TBCEL: variants seen among roughly 807,000 people sequenced by gnomAD.
TBCEL encodes tubulin-specific chaperone cofactor E-like protein.
Under a neutral mutation model 44.2 loss-of-function variants are expected in TBCEL, and 15 were observed. The ratio of observed to expected loss-of-function variants is 0.34; its 90% confidence interval spans 0.23 to 0.52. TBCEL has a LOEUF of 0.52. TBCEL is among the 20% of genes least tolerant of loss of function. TBCEL has a pLI of 0.95. For synonymous variants in TBCEL, 171 were observed against 185.4 expected (o/e 0.92, Z 0.63); for missense variants, 319 against 506.3 (o/e 0.63, Z 3.55).
At chr11:121,055,416 G>A (rs1945601489) in intron 6 of TBCEL, 108 bp downstream of exon 6, 2 of 1,217,216 alleles carry the variant, frequency 1.6e-6, no homozygotes, top group Non-Finnish European at 2.1e-6. Flanking sequence ...TTTTTAGAGT[G>A]AATTTTCTAT....
chr11:121,049,864 A>G (rs2134933653), intron 4 of TBCEL, among the ~76,000 whole-genome samples: 1 of 151,894 alleles, frequency 6.6e-6, no homozygotes, highest in Non-Finnish European at 1.5e-5. Flanking sequence ...CTGCTTAGAC[A>G]AAAGTCTATG....
Position 121,039,635 on chromosome 11 carries a change from A to G in TBCEL, c.-18+3023A>G, listed in dbSNP as rs148009957. On this transcript the variant is annotated intron_variant, in intron 2 of 8. Coordinates refer to ENST00000683345, the MANE Select transcript of TBCEL (RefSeq NM_001363644.2). ...TGTTAAGGTATGAAAATGAAACGAGATGGCAGAGAAAACAATGTATTTGTT... is the reference window on the plus strand; with the variant it reads ...TGTTAAGGTATGAAAATGAAACGAGGTGGCAGAGAAAACAATGTATTTGTT... Among the ~76,000 whole-genome samples, 125 of 152,354 alleles carry G rather than the reference A, an allele frequency of 8.2e-4. 3 individuals carry two copies. In the East Asian group the frequency reaches 0.02, roughly 24 times the overall value.
chr11:121,066,095 G>A (rs1484768705), intron 8 of TBCEL, among the ~76,000 whole-genome samples: 1 of 152,218 alleles, frequency 6.6e-6, no homozygotes, highest in Non-Finnish European at 1.5e-5. Flanking sequence ...AGAAAATTAA[G>A]TTTGAGCAGG....
At chr11:121,048,904 C>T (rs1945480894) in intron 4 of TBCEL, among the ~76,000 whole-genome samples, 1 of 151,862 alleles carries the variant, frequency 6.6e-6, no homozygotes, top group African/African-American at 2.4e-5. Flanking sequence ...ATTTATCCTT[C>T]AAGACTTGGC....
At chr11:121,024,490 G>A (rs189720157) in intron 1 of TBCEL, among the ~76,000 whole-genome samples, 199 bp downstream of exon 1, 1 of 152,020 alleles carries the variant, frequency 6.6e-6, no homozygotes, top group Non-Finnish European at 1.5e-5. Flanking sequence ...GATGGGGCCT[G>A]CCTGGCCTGG....
chr11:121,051,349 T>C (rs887281569), intron 4 of TBCEL, among the ~76,000 whole-genome samples: 1 of 151,790 alleles, frequency 6.6e-6, no homozygotes. Flanking sequence ...AAATAAAATA[T>C]GAGTGGTAGT....
At chr11:121,035,631 T>C (rs1945218246) in intron 1 of TBCEL, 1 of 152,146 alleles carries the variant, frequency 6.6e-6, no homozygotes, top group East Asian at 1.9e-4. Context: ...ATGAGGCTTT[T>C]CCTTAACATG....
chr11:121,052,193 G>A (rs2134940172), intron 4 of TBCEL, among the ~76,000 whole-genome samples: 1 of 151,824 alleles, frequency 6.6e-6, no homozygotes, highest in South Asian at 2.1e-4. Flanking sequence ...ATGATTTTTT[G>A]CCATTAAGTT....
At chr11:121,024,551 G>GGGCT (rs1344167682) in intron 1 of TBCEL, among the ~76,000 whole-genome samples, 30 of 152,140 alleles carry the variant, frequency 2.0e-4, no homozygotes, top group Non-Finnish European at 3.8e-4. Context: ...GGGCTGGGCT[G>GGGCT]GGGGACTGGT....
intron 4 of TBCEL, among the ~76,000 whole-genome samples, chr11:121,048,805 A>G (rs1204247164): frequency 6.6e-6 from 1 of 151,884 alleles, no homozygotes; most frequent in Non-Finnish European, 1.5e-5. Flanking sequence ...CTTGCAGCTC[A>G]TGATAAACTC....
chr11:121,053,252 G>A (rs1019086963), intron 4 of TBCEL, among the ~76,000 whole-genome samples: 6 of 151,882 alleles, frequency 4.0e-5, no homozygotes, highest in African/African-American at 1.4e-4. Flanking sequence ...CAAAGAGAAC[G>A]TCACATAGAG....
At chr11:121,057,638 G>T (rs546614945) in intron 6 of TBCEL, 2 of 454,026 alleles carry the variant, frequency 4.4e-6, no homozygotes, top group African/African-American at 2.0e-5. Flanking sequence ...CACTGAACAT[G>T]CACAGACTTT....
chr11:121,029,545 T>TG (rs1400116240), intron 1 of TBCEL, among the ~76,000 whole-genome samples: 3 of 152,194 alleles, frequency 2.0e-5, no homozygotes, highest in Admixed American at 6.5e-5. Flanking sequence ...TACACAGTAG[T>TG]CATAAGTGAA....
intron 8 of TBCEL, among the ~76,000 whole-genome samples, chr11:121,077,398 G>A (rs1343645646): frequency 1.3e-5 from 2 of 151,960 alleles, no homozygotes; most frequent in African/African-American, 4.8e-5. Flanking sequence ...ATTTAATTAT[G>A]CTTGTTGAAT....
chr11:121,047,318 G>A (rs1195985004), intron 3 of TBCEL, among the ~76,000 whole-genome samples: 1 of 151,898 alleles, frequency 6.6e-6, no homozygotes, highest in Non-Finnish European at 1.5e-5. Flanking sequence ...GGTGGTACGG[G>A]TGCAGTACTT....
intron 6 of TBCEL, among the ~76,000 whole-genome samples, chr11:121,056,415 G>T (rs765282105): frequency 1.3e-5 from 2 of 151,692 alleles, no homozygotes; most frequent in African/African-American, 2.4e-5. Context: ...TTCCAAGTTT[G>T]GGCAGTTATG....
intron 8 of TBCEL, among the ~76,000 whole-genome samples, chr11:121,083,623 A>G (rs1028578975): frequency 6.6e-6 from 1 of 152,206 alleles, no homozygotes; most frequent in African/African-American, 2.4e-5. Context: ...GATTAATTCA[A>G]TTGGCTATAA....
intron 3 of TBCEL, among the ~76,000 whole-genome samples, 188 bp downstream of exon 3, chr11:121,046,011 A>T (rs1308437954): frequency 2.0e-5 from 3 of 152,074 alleles, no homozygotes; most frequent in African/African-American, 7.2e-5. Context: ...TGATTAAGAG[A>T]TGTTTTAGTT....
chr11:121,056,654 A>G (rs140035590), intron 6 of TBCEL, among the ~76,000 whole-genome samples: 122 of 151,892 alleles, frequency 8.0e-4, no homozygotes, highest in African/African-American at 2.8e-3. Context: ...TGATGTTCTC[A>G]GTGTTTTGGA....
Sources: allele counts gnomAD v4.1 joint callset (sites outside exome capture counted in the v4.1 genomes callset), GRCh38; gene constraint gnomAD v4.1.1; transcripts MANE v1.5; gene names NCBI Gene and HGNC (gene_info 2026-07-23, HGNC 2026-07-21).